PLA1A: variants seen among roughly 807,000 people sequenced by gnomAD.
The protein encoded by PLA1A is phosphatidylserine-specific phospholipase A1alpha.
PLA1A carries 47 observed loss-of-function variants against 49.4 expected under a neutral mutation model. That is an observed-to-expected ratio of 0.95 (90% CI 0.75 to 1.21). The LOEUF is 1.21. Ranked by LOEUF, PLA1A falls within the 50% of genes most tolerant of loss-of-function variation. The pLI is 0.00. For synonymous variants in PLA1A, 224 were observed against 207.9 expected (o/e 1.08, Z -0.67); for missense variants, 561 against 563.9 (o/e 0.99, Z 0.05).
intron 1 of PLA1A, among the ~76,000 whole-genome samples, chr3:119,600,590 C>T (rs889971687): frequency 2.4e-4 from 37 of 152,208 alleles, no homozygotes; most frequent in Admixed American, 2.3e-3. Flanking sequence ...CCCAGGCACA[C>T]AGGACACATT....
intron 9 of PLA1A, among the ~76,000 whole-genome samples, chr3:119,625,498 G>T (rs1333198735): frequency 2.0e-5 from 3 of 152,202 alleles, no homozygotes; most frequent in East Asian, 3.8e-4. Context: ...AGATGGAGAG[G>T]ACATAGGAAT....
chr3:119,599,894 G>A (rs754804772), intron 1 of PLA1A, among the ~76,000 whole-genome samples: 1 of 152,102 alleles, frequency 6.6e-6, no homozygotes, highest in Non-Finnish European at 1.5e-5. Flanking sequence ...TTAAGTTAAT[G>A]TTCCTTATTC....
At chr3:119,599,714 A>G (rs1338261601) in intron 1 of PLA1A, among the ~76,000 whole-genome samples, 1 of 152,150 alleles carries the variant, frequency 6.6e-6, no homozygotes, top group Non-Finnish European at 1.5e-5. Context: ...TGGGCTTATA[A>G]TAACATGTTA....
intron 8 of PLA1A, among the ~76,000 whole-genome samples, chr3:119,621,778 G>T (rs1288977160): frequency 2.0e-5 from 3 of 152,168 alleles, no homozygotes; most frequent in African/African-American, 7.2e-5. Flanking sequence ...TAAGCAGCAG[G>T]GTTGGGCCTT....
At chr3:119,621,999 GC>G (rs1264539819) in intron 8 of PLA1A, among the ~76,000 whole-genome samples, 1 of 152,062 alleles carries the variant, frequency 6.6e-6, no homozygotes, top group Non-Finnish European at 1.5e-5. Flanking sequence ...TGGGAGGGTT[GC>G]TTGAGGAGAG....
intron 7 of PLA1A, 148 bp from the exon 8 acceptor site, chr3:119,619,415 T>A: frequency 1.5e-6 from 1 of 655,110 alleles, no homozygotes; most frequent in Non-Finnish European, 2.8e-6. Context: ...ATCCCAGGAC[T>A]CACCTTAGAA....
rs1216586336 is a variant in PLA1A, at chr3:119,616,088, C to G, written c.741C>G (p.Thr247=). 1 of 1,610,300 alleles carries G rather than the reference C, an allele frequency of 6.2e-7. No individual in the cohort carries two copies. Among genetic ancestry groups the G allele is most frequent in the South Asian group, 1.1e-5 (1 of 90,980 alleles). Residue 247 remains threonine (T), a synonymous_variant, in exon 6 of 11, where the codon ACC becomes ACG. Transcript: ENST00000273371. ...NGGQDQPGCP[T]FFYAGYSYLI... ...GCCAAGACCAACCTGGCTGCCCCAC[C>G]TTCTTTTACGCAGGTCAGAAAGCCA...
chr3:119,628,406 G>T (rs1042803777), intron 9 of PLA1A, among the ~76,000 whole-genome samples: 1 of 152,226 alleles, frequency 6.6e-6, no homozygotes, highest in African/African-American at 2.4e-5. Flanking sequence ...CTCCAGCTAG[G>T]AATCCAAGAA....
At chr3:119,602,020 C>A (rs958911977) in intron 1 of PLA1A, among the ~76,000 whole-genome samples, 1 of 152,024 alleles carries the variant, frequency 6.6e-6, no homozygotes, top group Non-Finnish European at 1.5e-5. Flanking sequence ...GCAAACCTTG[C>A]TGGGCCATGA....
chr3:119,609,332 T>C, intron 3 of PLA1A, 136 bp from the exon 4 acceptor site: 1 of 754,098 alleles, frequency 1.3e-6, no homozygotes, highest in Non-Finnish European at 2.4e-6. Context: ...AGTGCTGTCC[T>C]TTTTCCCTCC....
intron 5 of PLA1A, among the ~76,000 whole-genome samples, chr3:119,615,432 A>C (rs1577146966): frequency 1.3e-5 from 2 of 152,362 alleles, no homozygotes; most frequent in Admixed American, 1.3e-4. Flanking sequence ...GAGGAAACTT[A>C]CCAAGTTTAT....
At position 119,597,943 on chromosome 3, in the gene PLA1A, C is replaced by T; in HGVS notation, c.30C>T (p.Phe10=). MPPGPWESC[F]WVGGLILWLS... is the part of the protein sequence containing the mutation. The stretch of plus-strand genomic sequence containing the variant: ...CCCCAGGTCCCTGGGAGAGCTGCTT[C>T]TGGGTGGGGGGCCTCATTTTGTGGC... The change falls in exon 1 of 11, where the codon TTC becomes TTT. Residue 10 remains phenylalanine, a synonymous_variant. Coordinates refer to ENST00000273371, the MANE Select transcript of PLA1A (RefSeq NM_015900.4). 6.2e-7 allele frequency: 1 copy of T among 1,611,050 alleles called. No homozygotes were observed. Among genetic ancestry groups the T allele is most frequent in the Non-Finnish European group, 8.5e-7 (1 of 1,178,604 alleles).
Position 119,629,639 on chromosome 3 carries a change from A to G in PLA1A, c.*171A>G, listed in dbSNP as rs2052598924. 6.9e-6 allele frequency: 4 copies of G among 580,352 alleles called. No homozygotes were observed. Among genetic ancestry groups the G allele is most frequent in the Non-Finnish European group, 1.2e-5 (4 of 326,114 alleles). The allele number at this position is 580,352 out of a possible 1,614,324, so 36.0% of individuals were successfully genotyped here. ...CTACCCTGGAGGGGAGGGAGAACTC[A>G]TTTTACAGAACTTGGTTTCCTTTGC... On this transcript the variant is annotated 3_prime_UTR_variant, in exon 11 of 11. Transcript: ENST00000273371.
At chr3:119,598,182 CT>C (rs778295839) in intron 1 of PLA1A, among the ~76,000 whole-genome samples, 196 bp downstream of exon 1, 110 of 152,144 alleles carry the variant, frequency 7.2e-4, no homozygotes, top group Non-Finnish European at 1.5e-3. Flanking sequence ...AAAACCTGAA[CT>C]TTCCCTGGTT....
intron 3 of PLA1A, among the ~76,000 whole-genome samples, chr3:119,609,246 C>G (rs992822431): frequency 6.6e-6 from 1 of 152,156 alleles, no homozygotes; most frequent in Non-Finnish European, 1.5e-5. Context: ...TACTCACATA[C>G]TTTGGGCACC....
chr3:119,622,456 T>A (rs1057494785), intron 8 of PLA1A, among the ~76,000 whole-genome samples: 4 of 152,190 alleles, frequency 2.6e-5, no homozygotes, highest in African/African-American at 9.6e-5. Flanking sequence ...TAAGATGTCC[T>A]CCTCTGTGGA....
chr3:119,617,700 GC>G (rs1178160381), intron 6 of PLA1A, among the ~76,000 whole-genome samples: 1 of 151,180 alleles, frequency 6.6e-6, no homozygotes. Context: ...CCAAGATCAT[GC>G]CATTACACTC....
chr3:119,608,218 GAA>G (rs59515157), intron 2 of PLA1A, among the ~76,000 whole-genome samples: 39,162 of 141,806 alleles, frequency 0.28, 7,020 homozygotes, highest in African/African-American at 0.48. Flanking sequence ...AAGAAAGAAA[GAA>G]AGAAAGAGAG....
In PLA1A at chr3:119,608,817, T is replaced by C. The variant is rs867103446; in HGVS notation, c.323T>C (p.Leu108Pro). ...TGGATTGACACATTTATTAGAACCCTTCTGCGTGCAACGAATGCTAATGTG... is the reference window on the plus strand; with the variant it reads ...TGGATTGACACATTTATTAGAACCCCTCTGCGTGCAACGAATGCTAATGTG... Reference protein sequence around the residue: ...PSWIDTFIRTLLRATNANVIA... With the variant: ...PSWIDTFIRTPLRATNANVIA... The change falls in exon 3 of 11, where the codon CTT becomes CCT. Residue 108 changes from leucine to proline, a missense_variant. By Grantham distance (98) the Leu-to-Pro change is moderately conservative (BLOSUM62 -3). Transcript: ENST00000273371. 1.9e-6 allele frequency: 3 copies of C among 1,613,870 alleles called. No individual in the cohort carries two copies. Among genetic ancestry groups the C allele is most frequent in the African/African-American group, 1.3e-5 (1 of 74,934 alleles).
Sources: allele counts gnomAD v4.1 joint callset (sites outside exome capture counted in the v4.1 genomes callset), GRCh38; gene constraint gnomAD v4.1.1; transcripts MANE v1.5; gene names NCBI Gene and HGNC (gene_info 2026-07-23, HGNC 2026-07-21).